The following GRIA4 variants were observed in gnomAD, a reference collection of about 807,000 sequenced individuals.
GRIA4 encodes glutamate receptor 4.
A neutral mutation model predicts 104.0 loss-of-function variants in GRIA4; 34 were observed. That is an observed-to-expected ratio of 0.33 (90% CI 0.25 to 0.44). The LOEUF is 0.44. GRIA4 is among the 20% of genes least tolerant of loss of function. The probability of loss-of-function intolerance (pLI) is 1.00; values close to 1 mark genes in which losing one functional copy is unlikely to be tolerated. For synonymous variants in GRIA4, 386 were observed against 381.9 expected (o/e 1.01, Z -0.13); for missense variants, 750 against 1,096.5 (o/e 0.68, Z 4.46).
chr11:105,715,478 C>T (rs1309790544), intron 3 of GRIA4, among the ~76,000 whole-genome samples: 2 of 152,054 alleles, frequency 1.3e-5, no homozygotes, highest in African/African-American at 2.4e-5. Flanking sequence ...GTTGCTCTCT[C>T]ATTAATAGTC....
intron 3 of GRIA4, among the ~76,000 whole-genome samples, chr11:105,625,438 C>G (rs1950862589): frequency 6.6e-6 from 1 of 152,066 alleles, no homozygotes; most frequent in Non-Finnish European, 1.5e-5. Context: ...TTTTTAAAAA[C>G]AGGTATCACA....
rs528467867 is a variant in GRIA4 at position 105,760,725 on chromosome 11, T to C, written c.487+7505T>C. 4.6e-5 allele frequency among the ~76,000 whole-genome samples: 7 copies of C among 152,176 alleles called. No homozygotes were observed. In the East Asian group the frequency reaches 1.2e-3, roughly 25 times the overall value. On this transcript the variant is annotated intron_variant, in intron 4 of 16. Coordinates refer to ENST00000282499, the MANE Select transcript of GRIA4 (RefSeq NM_000829.4). ...CTTTCATGATTCTAAGGCCTATTCA[T>C]GTTTTTTTTTCACTTCTCTTTCTAT...
intron 4 of GRIA4, among the ~76,000 whole-genome samples, chr11:105,792,866 A>T (rs1199090035): frequency 1.3e-5 from 2 of 151,736 alleles, no homozygotes; most frequent in Non-Finnish European, 2.9e-5. Flanking sequence ...GCATCTGGGC[A>T]CTTGGTCTGA....
chr11:105,684,544 T>C (rs1387729462), intron 3 of GRIA4, among the ~76,000 whole-genome samples: 1 of 32,854 alleles, frequency 3.0e-5, no homozygotes, highest in Non-Finnish European at 9.0e-5. Context: ...TATATATATA[T>C]ACATATATAT....
intron 3 of GRIA4, among the ~76,000 whole-genome samples, chr11:105,726,004 T>C (rs1938180278): frequency 6.6e-6 from 1 of 152,090 alleles, no homozygotes; most frequent in Admixed American, 6.6e-5. Context: ...CAGGAGTTTT[T>C]TTTCATACCC....
chr11:105,951,120 T>C (rs954877469), intron 14 of GRIA4, among the ~76,000 whole-genome samples: 2 of 152,114 alleles, frequency 1.3e-5, no homozygotes, highest in African/African-American at 4.8e-5. Context: ...GATGAAAGTT[T>C]TTAGGAGTCA....
chr11:105,909,298 A>G (rs931359179), intron 9 of GRIA4, among the ~76,000 whole-genome samples: 1 of 152,208 alleles, frequency 6.6e-6, no homozygotes, highest in African/African-American at 2.4e-5. Flanking sequence ...AAAACATATT[A>G]GAACAAATAG....
At chr11:105,930,808 C>T (rs1947851373) in intron 13 of GRIA4, among the ~76,000 whole-genome samples, 1 of 152,056 alleles carries the variant, frequency 6.6e-6, no homozygotes, top group Non-Finnish European at 1.5e-5. Context: ...TAAAATAGCT[C>T]AATTAAAACA....
intron 3 of GRIA4, among the ~76,000 whole-genome samples, chr11:105,688,156 C>CTATCTA (rs373564678): frequency 0.084 from 6,011 of 71,430 alleles, 170 homozygotes; most frequent in East Asian, 0.14. Context: ...ATATCTATAT[C>CTATCTA]TCTATCTATC....
chr11:105,886,761 G>C (rs994907300), intron 5 of GRIA4, among the ~76,000 whole-genome samples: 2 of 151,958 alleles, frequency 1.3e-5, no homozygotes, highest in African/African-American at 4.8e-5. Flanking sequence ...ATTTTCTCTT[G>C]TTGAAGGAAT....
At chr11:105,976,317 T>A (rs1411800882) in intron 16 of GRIA4, among the ~76,000 whole-genome samples, 1 of 152,048 alleles carries the variant, frequency 6.6e-6, no homozygotes, top group Admixed American at 6.5e-5. Context: ...AAATGCTGTG[T>A]ATGCTAGTTC....
At chr11:105,953,189 A>C (rs1357591315) in intron 14 of GRIA4, among the ~76,000 whole-genome samples, 1 of 152,250 alleles carries the variant, frequency 6.6e-6, no homozygotes, top group Non-Finnish European at 1.5e-5. Flanking sequence ...CGAATGCAAA[A>C]GCCTTTCCTT....
intron 3 of GRIA4, among the ~76,000 whole-genome samples, chr11:105,672,142 G>A (rs2135440772): frequency 6.6e-6 from 1 of 152,262 alleles, no homozygotes; most frequent in Non-Finnish European, 1.5e-5. Flanking sequence ...AAATAACATG[G>A]TGAAAGGTTA....
At chr11:105,814,788 A>G (rs1484125216) in intron 4 of GRIA4, among the ~76,000 whole-genome samples, 1 of 152,186 alleles carries the variant, frequency 6.6e-6, no homozygotes, top group African/African-American at 2.4e-5. Context: ...ACAATCCTGT[A>G]TAGCCCTTTC....
In GRIA4 at chr11:105,744,384, G is replaced by T. The variant is rs558875547; in HGVS notation, c.248-8597G>T. ...AGAAAACACTAATAAGCACACTTTT[G>T]ATACAACCTTAAACAATTTGCCCCA... On this transcript the variant is annotated intron_variant, in intron 3 of 16. Transcript: ENST00000282499. Among the ~76,000 whole-genome samples the T allele has an allele frequency of 2.6e-5, 4 of 152,178 alleles. No homozygotes were observed. The South Asian group carries it at 8.3e-4, about 32-fold the overall frequency.
At chr11:105,956,224 C>T (rs1262816720) in intron 14 of GRIA4, among the ~76,000 whole-genome samples, 1 of 152,054 alleles carries the variant, frequency 6.6e-6, no homozygotes, top group Non-Finnish European at 1.5e-5. Flanking sequence ...TCGTCATTTA[C>T]ATTAGTTATA....
chr11:105,621,465 T>C (rs924191448), intron 3 of GRIA4, among the ~76,000 whole-genome samples: 1 of 151,634 alleles, frequency 6.6e-6, no homozygotes, highest in African/African-American at 2.4e-5. Context: ...ATAAAAGTAT[T>C]TAATAAGATA....
chr11:105,723,253 G>T (rs868068098), intron 3 of GRIA4, among the ~76,000 whole-genome samples: 1 of 151,976 alleles, frequency 6.6e-6, no homozygotes, highest in African/African-American at 2.4e-5. Flanking sequence ...GAGTGTAATG[G>T]GCTCTTTAAA....
intron 3 of GRIA4, among the ~76,000 whole-genome samples, chr11:105,646,759 AC>A (rs1156290567): frequency 5.9e-5 from 9 of 152,180 alleles, no homozygotes; most frequent in African/African-American, 2.2e-4. Flanking sequence ...TTGAAACTGG[AC>A]CCTTTCCTTA....
Sources: allele counts gnomAD v4.1 joint callset (sites outside exome capture counted in the v4.1 genomes callset), GRCh38; gene constraint gnomAD v4.1.1; transcripts MANE v1.5; gene names NCBI Gene and HGNC (gene_info 2026-07-23, HGNC 2026-07-21).